Variants in WDPCP observed in about 807,000 individuals in gnomAD.
WDPCP encodes the protein WD repeat-containing and planar cell polarity effector protein fritz homolog.
In WDPCP, 71 loss-of-function variants were observed where a neutral mutation model predicts 93.1. That is an observed-to-expected ratio of 0.76 (90% confidence interval 0.63 to 0.93). WDPCP has a LOEUF of 0.93. Among genes scored for constraint, WDPCP ranks in the 40% least tolerant of loss-of-function variants. The pLI, the probability that WDPCP is intolerant of heterozygous loss-of-function variation, is 0.00. For missense variants in WDPCP, 844 were observed against 887.4 expected, an observed-to-expected ratio of 0.95 and a Z score of 0.62; for synonymous variants, 315 against 315.0, an observed-to-expected ratio of 1.00 and a Z score of 0.00.
chr2:63,595,805 G>T (rs1224263446), intron 3 of WDPCP, among the ~76,000 whole-genome samples: 1 of 152,106 alleles, frequency 6.6e-6, no homozygotes, highest in Non-Finnish European at 1.5e-5. Flanking sequence ...TTATACACCT[G>T]AAATTGTCTA....
At chr2:63,821,186 A>G (rs1427071488) in intron 1 of WDPCP, among the ~76,000 whole-genome samples, 1 of 152,038 alleles carries the variant, frequency 6.6e-6, no homozygotes, top group African/African-American at 2.4e-5. Flanking sequence ...TCTCTCACCC[A>G]CTAGACTATG....
At chr2:63,688,785 A>T (rs1668848995) in intron 2 of WDPCP, among the ~76,000 whole-genome samples, 1 of 151,774 alleles carries the variant, frequency 6.6e-6, no homozygotes, top group Admixed American at 6.6e-5. Flanking sequence ...ATTAAAAATT[A>T]AAAAAAAATT....
intron 11 of WDPCP, among the ~76,000 whole-genome samples, chr2:63,381,576 C>T (rs1406239144): frequency 6.6e-6 from 1 of 152,108 alleles, no homozygotes; most frequent in Non-Finnish European, 1.5e-5. Flanking sequence ...GTCTAGCAGA[C>T]CCCACGGAGT....
At chr2:63,291,950 G>A (rs1022430467) in intron 13 of WDPCP, among the ~76,000 whole-genome samples, 1 of 151,732 alleles carries the variant, frequency 6.6e-6, no homozygotes, top group Non-Finnish European at 1.5e-5. Context: ...TGGCCAACAC[G>A]TTGAAACCCC....
At chr2:63,175,813 C>A (rs1673760748) in intron 14 of WDPCP, among the ~76,000 whole-genome samples, 1 of 152,092 alleles carries the variant, frequency 6.6e-6, no homozygotes, top group Admixed American at 6.6e-5. Context: ...ATATACCATG[C>A]TTTGTTTTTC....
Position 63,606,007 on chromosome 2 carries a change from C to T in WDPCP, n.488+44652G>A, listed in dbSNP as rs774885809. 312 of 1,613,930 alleles carry T rather than the reference C, an allele frequency of 1.9e-4. 1 individual carries two copies. The highest frequency in any genetic ancestry group is 3.5e-4 in the Admixed American group (21 of 60,014). ...ATGGTGTTCCTGATGATCTGCTCTACTCATTCCCTGTTGTAATCAAGGTAA... is the reference window on the plus strand; with the variant it reads ...ATGGTGTTCCTGATGATCTGCTCTATTCATTCCCTGTTGTAATCAAGGTAA... On this transcript the variant is annotated intron_variant and non_coding_transcript_variant, in intron 3 of 4. Coordinates refer to the WDPCP transcript ENST00000467687.
intron 1 of WDPCP, among the ~76,000 whole-genome samples, chr2:63,550,247 T>A (rs1399149138): frequency 6.8e-6 from 1 of 146,774 alleles, no homozygotes; most frequent in Non-Finnish European, 1.5e-5. Context: ...ACACCCTTCC[T>A]CTAATTCCAA....
At chr2:63,556,702 A>C (rs908769764) in intron 1 of WDPCP, among the ~76,000 whole-genome samples, 2 of 152,178 alleles carry the variant, frequency 1.3e-5, no homozygotes, top group Admixed American at 6.5e-5. Flanking sequence ...GATCAACCGC[A>C]AGACACATAA....
the WDPCP span, among the ~76,000 whole-genome samples, chr2:63,836,538 GTTTT>G: frequency 2.6e-5 from 4 of 152,098 alleles, no homozygotes; most frequent in Non-Finnish European, 5.9e-5. Flanking sequence ...TTTCTTATTA[GTTTT>G]TTTATCTTTT....
intron 2 of WDPCP, among the ~76,000 whole-genome samples, chr2:63,786,409 C>A (rs1002079451): frequency 6.6e-6 from 1 of 152,114 alleles, no homozygotes; most frequent in Admixed American, 6.6e-5. Context: ...AGGAGAATGG[C>A]TCTATGCAGT....
intron 10 of WDPCP, among the ~76,000 whole-genome samples, chr2:63,384,179 G>C (rs997056156): frequency 6.6e-6 from 1 of 151,976 alleles, no homozygotes; most frequent in African/African-American, 2.4e-5. Context: ...AATAAAGACA[G>C]TAAATAGTAA....
In WDPCP at chr2:63,167,892, A is replaced by C. The variant is rs372979415; in HGVS notation, c.2078+6778T>G. Among the ~76,000 whole-genome samples the C allele has an allele frequency of 5.9e-5, 9 of 152,268 alleles. No homozygotes were observed. The South Asian group carries it at 8.3e-4, about 14-fold the overall frequency. On this transcript the variant is annotated intron_variant, in intron 15 of 17. Coordinates refer to ENST00000272321, the MANE Select transcript of WDPCP (RefSeq NM_015910.7). ...CACTTTGGGAGGCCAAGGCAGGTGG[A>C]TCACTTGAGCCCAGAAGTTCAAGAC...
chr2:63,720,416 TA>T (rs56140939), intron 2 of WDPCP, among the ~76,000 whole-genome samples: 1,976 of 124,778 alleles, frequency 0.016, 19 homozygotes, highest in Non-Finnish European at 0.022. Context: ...GACTCTACCT[TA>T]AAAAAAAAAA....
chr2:63,535,953 A>G (rs973682529), intron 1 of WDPCP, among the ~76,000 whole-genome samples: 4 of 152,256 alleles, frequency 2.6e-5, no homozygotes, highest in Non-Finnish European at 5.9e-5. Flanking sequence ...AAATTTTTGC[A>G]GTCTACGCAT....
intron 12 of WDPCP, among the ~76,000 whole-genome samples, chr2:63,323,208 C>A: frequency 6.6e-6 from 1 of 152,342 alleles, no homozygotes; most frequent in East Asian, 1.9e-4. Flanking sequence ...CCATTGCCCC[C>A]TGGGTCCTAA....
At chr2:63,823,976 C>T (rs1258994071) in intron 1 of WDPCP, among the ~76,000 whole-genome samples, 1 of 151,850 alleles carries the variant, frequency 6.6e-6, no homozygotes, top group Non-Finnish European at 1.5e-5. Context: ...GGGTTTGAGA[C>T]CAGCCTGAGC....
intron 2 of WDPCP, among the ~76,000 whole-genome samples, chr2:63,803,516 A>G (rs1465034806): frequency 6.6e-6 from 1 of 152,198 alleles, no homozygotes; most frequent in African/African-American, 2.4e-5. Flanking sequence ...AATGAGTTAC[A>G]TAATTGGCCA....
At position 63,788,057 on chromosome 2, in the gene WDPCP, TAAATA is replaced by T. The variant is rs1247131866; in HGVS notation, n.308+25560_308+25564del. Among the ~76,000 whole-genome samples the T allele has an allele frequency of 7.1e-4, 108 of 151,954 alleles. 1 individual carries two copies. The highest frequency in any genetic ancestry group is 1.3e-3 in the African/African-American group (56 of 41,490). On this transcript the variant is annotated intron_variant and non_coding_transcript_variant, in intron 2 of 4. Coordinates refer to the WDPCP transcript ENST00000467687. ...CTCTGTCTCAAAAAATAAAATAAAA[TAAATA>T]AAATAAAATAAAAAATGAGTCCAAT...
At chr2:63,658,800 C>T (rs1341496629) in intron 2 of WDPCP, among the ~76,000 whole-genome samples, 1 of 152,178 alleles carries the variant, frequency 6.6e-6, no homozygotes, top group Non-Finnish European at 1.5e-5. Flanking sequence ...CAAGTATGAG[C>T]CACTTTTTGT....
Sources: gnomAD v4.1 joint callset for allele counts (sites outside exome capture counted in the v4.1 genomes callset) on GRCh38, gnomAD v4.1.1 for gene constraint, MANE v1.5 for transcripts, NCBI Gene and HGNC (gene_info 2026-07-23, HGNC 2026-07-21) for gene names.